Variants in TCERG1 observed in about 807,000 individuals in gnomAD.
The protein encoded by TCERG1 is transcription elongation regulator 1, also known as TATA box binding protein (TBP)-associated factor, RNA polymerase II, S, 150kD.
In TCERG1, 37 loss-of-function variants were observed where a neutral mutation model predicts 144.7. The observed-to-expected ratio is 0.26, with a 90% CI of 0.20 to 0.34. The LOEUF (loss-of-function observed/expected upper bound fraction) is 0.34. Ranked by LOEUF, TCERG1 falls within the 10% of genes least tolerant of loss-of-function variation. The pLI is 1.00. For synonymous variants in TCERG1, 492 were observed against 458.2 expected (o/e 1.07, Z -0.94); for missense variants, 1,027 against 1,380.7 (o/e 0.74, Z 4.06).
chr5:146,463,005 T>C (rs979390783), intron 4 of TCERG1, among the ~76,000 whole-genome samples: 2 of 152,206 alleles, frequency 1.3e-5, no homozygotes, highest in Non-Finnish European at 2.9e-5. Context: ...TTCTGCCCTT[T>C]TCCTATCCAT....
intron 17 of TCERG1, 55 bp from the exon 18 acceptor site, chr5:146,503,320 A>T: frequency 3.3e-6 from 5 of 1,524,822 alleles, no homozygotes; most frequent in Non-Finnish European, 4.5e-6. Flanking sequence ...GATATGATGA[A>T]TTTCTCATGG....
chr5:146,467,773 CT>C (rs1316634030), intron 5 of TCERG1, among the ~76,000 whole-genome samples: 1 of 152,160 alleles, frequency 6.6e-6, no homozygotes, highest in Non-Finnish European at 1.5e-5. Flanking sequence ...TCATCTTTGC[CT>C]TTCTTTTATT....
At position 146,507,514 on chromosome 5, in the gene TCERG1, C is replaced by CT; in HGVS notation, c.2961+308dup. On this transcript the variant is annotated intron_variant, in intron 20 of 22. Transcript: ENST00000679501. The surrounding 1 kb of genome is among the most constrained non-coding windows in gnomAD (Gnocchi z 4.6). Reference sequence around the variant, plus strand: ...CTTTTGATCCATTTTCAATTTGGTACTATGGCCTCTTGTTCGGCAGTTTGT... The same window carrying CT: ...CTTTTGATCCATTTTCAATTTGGTACTTATGGCCTCTTGTTCGGCAGTTTGT... 1 of 344,862 alleles carries CT rather than the reference C, an allele frequency of 2.9e-6. No individual in the cohort carries two copies. The highest frequency in any genetic ancestry group is 5.2e-6 in the Non-Finnish European group (1 of 193,538). The allele number at this position is 344,862 out of a possible 1,614,324, so 21.4% of individuals were successfully genotyped here. A position where few individuals can be genotyped will look rare whatever the true frequency, so the allele number is the denominator to read the frequency against.
chr5:146,498,738 A>G (rs1026226236), intron 17 of TCERG1, 52 bp downstream of exon 17: 11 of 1,559,898 alleles, frequency 7.1e-6, no homozygotes, highest in Non-Finnish European at 9.5e-6. Context: ...TGAATGGGAA[A>G]GGTCTATGCT....
rs558126716 is a variant in TCERG1, at chr5:146,454,893, C to T, written c.60-163C>T. Among the ~76,000 whole-genome samples, 10 of 152,248 alleles carry T rather than the reference C, an allele frequency of 6.6e-5. No individual in the cohort carries two copies. The South Asian group carries it at 1.7e-3, about 25-fold the overall frequency. On this transcript the variant is annotated intron_variant, in intron 1 of 22. Transcript: ENST00000679501. ...GATTACAGATGTGAGCCACTGCACC[C>T]GGCCCATTGATGTAGTTTTTATCAT...
intron 5 of TCERG1, among the ~76,000 whole-genome samples, chr5:146,464,311 C>G (rs1763589093): frequency 6.6e-6 from 1 of 152,124 alleles, no homozygotes. Context: ...CCTGTGCCCT[C>G]CACATCCAGA....
At chr5:146,458,426 C>T (rs2150253085) in intron 3 of TCERG1, among the ~76,000 whole-genome samples, 1 of 152,134 alleles carries the variant, frequency 6.6e-6, no homozygotes, top group Non-Finnish European at 1.5e-5. Flanking sequence ...GATCTGCTCA[C>T]TTCAGCCTCC....
At chr5:146,500,563 A>G (rs1767332178) in intron 17 of TCERG1, among the ~76,000 whole-genome samples, 1 of 152,232 alleles carries the variant, frequency 6.6e-6, no homozygotes, top group Admixed American at 6.5e-5. Context: ...TTTAAAACTA[A>G]TTTTAAAACT....
At chr5:146,495,168 T>C (rs1766771578) in intron 16 of TCERG1, among the ~76,000 whole-genome samples, 1 of 152,202 alleles carries the variant, frequency 6.6e-6, no homozygotes, top group Non-Finnish European at 1.5e-5. Flanking sequence ...TGCAAGTTTA[T>C]TATCCCTTAT....
chr5:146,468,790 G>A (rs1764017935), intron 6 of TCERG1, among the ~76,000 whole-genome samples: 1 of 152,010 alleles, frequency 6.6e-6, no homozygotes, highest in African/African-American at 2.4e-5. Context: ...ATATGTGTGT[G>A]AATACATGTG....
chr5:146,492,498 C>G (rs1410519051), intron 15 of TCERG1, among the ~76,000 whole-genome samples: 1 of 152,096 alleles, frequency 6.6e-6, no homozygotes, highest in East Asian at 1.9e-4. Flanking sequence ...AGATGTAAAG[C>G]ATGATTACAT....
intron 15 of TCERG1, among the ~76,000 whole-genome samples, chr5:146,489,612 CAT>C (rs2150674183): frequency 6.6e-6 from 1 of 152,164 alleles, no homozygotes; most frequent in South Asian, 2.1e-4. Context: ...AAGATAAAAT[CAT>C]AAGTGAAATT....
intron 17 of TCERG1, among the ~76,000 whole-genome samples, chr5:146,500,422 T>A (rs1767321046): frequency 6.6e-6 from 1 of 152,062 alleles, no homozygotes; most frequent in African/African-American, 2.4e-5. Context: ...AAAATCACAT[T>A]GTAACTGAGT....
Position 146,489,215 on chromosome 5 carries a change from A to C in TCERG1, c.2164-3705A>C, listed in dbSNP as rs140042699. On this transcript the variant is annotated intron_variant, in intron 15 of 22. Coordinates refer to ENST00000679501, the MANE Select transcript of TCERG1 (RefSeq NM_001382548.1). ...GGATATTAAACGTTTTTCCAACACA[A>C]ATGATAAATGTTTGAGATTGATATG... 3.1e-4 allele frequency among the ~76,000 whole-genome samples: 47 copies of C among 152,266 alleles called. 1 individual carries two copies. The East Asian group carries it at 8.5e-3, about 28-fold the overall frequency.
rs758112142 is a variant in TCERG1, at chr5:146,455,244, G to C, written c.248G>C (p.Gly83Ala). The C allele has an allele frequency of 6.2e-7, 1 of 1,614,078 alleles. No homozygotes were observed. The highest frequency in any genetic ancestry group is 8.5e-7 in the Non-Finnish European group (1 of 1,180,044). ...AATATGCCGCCAATGCCTCCTCCAG[G>C]AGGGATACCTCCACCTATGGGCCCT... The part of the protein sequence containing the change: ...DPNMPPMPPP[G>A]GIPPPMGPPH... The change falls in exon 2 of 23, where the codon GGA (glycine) becomes GCA (alanine). Residue 83 changes from glycine to alanine, a missense_variant. This residue lies in a region of TCERG1 where 175 missense variants were observed against 197.0 expected (regional missense o/e 0.89). Coordinates refer to ENST00000679501, the MANE Select transcript of TCERG1 (RefSeq NM_001382548.1).
intron 5 of TCERG1, among the ~76,000 whole-genome samples, chr5:146,467,655 G>A (rs1763908996): frequency 6.6e-6 from 1 of 152,182 alleles, no homozygotes; most frequent in Admixed American, 6.5e-5. Flanking sequence ...GGGGCTGTAT[G>A]TTTCTTAATG....
intron 10 of TCERG1, 106 bp downstream of exon 10, chr5:146,478,759 A>G (rs1765074163): frequency 8.2e-7 from 1 of 1,226,636 alleles, no homozygotes. Flanking sequence ...AAAGAATATA[A>G]GAAGCATTCG....
chr5:146,484,647 T>TAA (rs1765661155), intron 15 of TCERG1, among the ~76,000 whole-genome samples: 1 of 152,230 alleles, frequency 6.6e-6, no homozygotes, highest in Admixed American at 6.5e-5. Context: ...TTTTAAGCTT[T>TAA]GTATCTTTTT....
At chr5:146,510,302 G>A in intron 22 of TCERG1, 139 bp from the exon 23 acceptor site, 1 of 749,658 alleles carries the variant, frequency 1.3e-6, no homozygotes, top group Non-Finnish European at 2.0e-6. Context: ...GGTGACCACT[G>A]CCGTGAAATT....
Sources: gnomAD v4.1 joint callset for allele counts (sites outside exome capture counted in the v4.1 genomes callset) on GRCh38, gnomAD v4.1.1 for gene constraint, gnomAD v4.1.1 regional missense constraint, Gnocchi (gnomAD v3.1) non-coding constraint, MANE v1.5 for transcripts, NCBI Gene and HGNC (gene_info 2026-07-23, HGNC 2026-07-21) for gene names.